SPRED1: variants seen among roughly 807,000 people sequenced by gnomAD.
SPRED1 encodes the protein sprouty-related, EVH1 domain-containing protein 1.
SPRED1 carries 18 observed loss-of-function variants against 52.3 expected under a neutral mutation model. That is an observed-to-expected ratio of 0.34 (90% CI 0.24 to 0.51). The LOEUF (loss-of-function observed/expected upper bound fraction) is 0.51, where lower values mean the gene tolerates loss of function less well. Ranked by LOEUF, SPRED1 falls within the 20% of genes least tolerant of loss-of-function variation. SPRED1 has a pLI of 0.97. For synonymous variants in SPRED1, 155 were observed against 179.7 expected (o/e 0.86, Z 1.10); for missense variants, 485 against 551.0 (o/e 0.88, Z 1.20).
At chr15:38,256,073 G>A (rs1008118512) in intron 1 of SPRED1, among the ~76,000 whole-genome samples, 15 of 152,136 alleles carry the variant, frequency 9.9e-5, no homozygotes, top group Admixed American at 7.2e-4. Flanking sequence ...ATTTAATCAA[G>A]AATTAGTGGG....
intron 1 of SPRED1, among the ~76,000 whole-genome samples, chr15:38,257,160 C>T (rs1894114737): frequency 2.0e-5 from 3 of 152,156 alleles, no homozygotes; most frequent in Admixed American, 1.3e-4. Context: ...TCTTTCAACA[C>T]TCTGTCCCTC....
At chr15:38,284,878 A>G (rs1401047185) in intron 1 of SPRED1, among the ~76,000 whole-genome samples, 1 of 147,800 alleles carries the variant, frequency 6.8e-6, no homozygotes, top group Non-Finnish European at 1.5e-5. Context: ...TTTTAAACCT[A>G]TTTGTGGGCC....
chr15:38,258,889 G>T (rs1894154293), intron 1 of SPRED1, among the ~76,000 whole-genome samples: 1 of 152,110 alleles, frequency 6.6e-6, no homozygotes, highest in Non-Finnish European at 1.5e-5. Flanking sequence ...CTTGAAATTG[G>T]GAGATGGATT....
At chr15:38,254,658 G>C (rs1894053539) in intron 1 of SPRED1, among the ~76,000 whole-genome samples, 1 of 152,194 alleles carries the variant, frequency 6.6e-6, no homozygotes, top group African/African-American at 2.4e-5. Context: ...AAAAACATAC[G>C]CACACACAAA....
chr15:38,351,800 A>G lies in SPRED1; in HGVS notation c.*136A>G. 8.9e-7 allele frequency: 1 copy of G among 1,117,400 alleles called. No individual in the cohort carries two copies. The highest frequency in any genetic ancestry group is 1.3e-6 in the Non-Finnish European group (1 of 774,554). The allele number at this position is 1,117,400 out of a possible 1,614,324, so 69.2% of individuals were successfully genotyped here. ...CCCACACATGGAGGAAGCAGAACTC[A>G]TCAGTTCTTGGCGTTTCACGCCATG... On this transcript the variant is annotated 3_prime_UTR_variant, in exon 7 of 7. Coordinates refer to ENST00000299084, the MANE Select transcript of SPRED1 (RefSeq NM_152594.3).
rs775693385 is a variant in SPRED1 at position 38,253,191 on chromosome 15, C to A, written c.6C>A (p.Ser2Arg). Residue 2 changes from serine to arginine, a missense_variant, in exon 1 of 7, where the codon AGC (serine) becomes AGA (arginine). Physicochemically the swap from Ser to Arg is moderately radical, Grantham distance 110. Around this residue, in one of 5 missense-constraint regions of SPRED1, gnomAD observed 34 missense variants for 25.8 expected, o/e 1.32. Coordinates refer to ENST00000299084, the MANE Select transcript of SPRED1 (RefSeq NM_152594.3). MSEETATSDNDN... is the reference protein window; with the variant it reads MREETATSDNDN... ...CGGATCACGGTGAGGGAAAGATGAGCGAGGAGACGGCGACTTCTGACAACG... is the reference window on the plus strand; with the variant it reads ...CGGATCACGGTGAGGGAAAGATGAGAGAGGAGACGGCGACTTCTGACAACG... 6 of 1,580,198 alleles carry A rather than the reference C, an allele frequency of 3.8e-6. No homozygotes were observed. The highest frequency in any genetic ancestry group is 1.3e-5 in the African/African-American group (1 of 74,140).
At chr15:38,273,519 TAATATA>T (rs1480569515) in intron 1 of SPRED1, among the ~76,000 whole-genome samples, 60 of 112,982 alleles carry the variant, frequency 5.3e-4, no homozygotes, top group African/African-American at 1.6e-3. Context: ...TATGTATTAT[TAATATA>T]TATATATATA....
chr15:38,344,571 G>A (rs1216878955), intron 5 of SPRED1, among the ~76,000 whole-genome samples: 1 of 152,140 alleles, frequency 6.6e-6, no homozygotes, highest in Admixed American at 6.6e-5. Context: ...TTATGACATG[G>A]CCTCTAGAGC....
At chr15:38,346,724 C>T (rs553138141) in intron 5 of SPRED1, among the ~76,000 whole-genome samples, 6 of 152,170 alleles carry the variant, frequency 3.9e-5, no homozygotes, top group South Asian at 2.1e-4. Context: ...CTTTCTTGTC[C>T]GCAGCTATTC....
At chr15:38,308,575 T>A (rs575454466) in intron 2 of SPRED1, among the ~76,000 whole-genome samples, 13 of 152,358 alleles carry the variant, frequency 8.5e-5, no homozygotes, top group African/African-American at 3.1e-4. Flanking sequence ...AAAAATGTTA[T>A]AAAAGTGTAA....
At chr15:38,272,286 T>TTTTTTTTTTTG in intron 1 of SPRED1, among the ~76,000 whole-genome samples, 1 of 150,680 alleles carries the variant, frequency 6.6e-6, no homozygotes. Flanking sequence ...GTTTTTTTTT[T>TTTTTTTTTTTG]GAGATGAAGT....
intron 4 of SPRED1, among the ~76,000 whole-genome samples, chr15:38,332,818 G>A (rs1895831431): frequency 6.6e-6 from 1 of 152,156 alleles, no homozygotes; most frequent in Non-Finnish European, 1.5e-5. Context: ...GCAAAATGCC[G>A]TGACTGGGTA....
intron 1 of SPRED1, among the ~76,000 whole-genome samples, chr15:38,260,710 G>A (rs980317864): frequency 1.3e-5 from 2 of 152,104 alleles, no homozygotes; most frequent in African/African-American, 2.4e-5. Context: ...AATTTCTTTT[G>A]TAATACTGTG....
At chr15:38,272,624 A>G (rs1020032307) in intron 1 of SPRED1, among the ~76,000 whole-genome samples, 4 of 152,198 alleles carry the variant, frequency 2.6e-5, no homozygotes, top group South Asian at 2.1e-4. Flanking sequence ...TGCTCTCCAC[A>G]GTGGCTGAAC....
intron 4 of SPRED1, among the ~76,000 whole-genome samples, chr15:38,336,404 G>GTGTGTGTGTA (rs1488462726): frequency 8.3e-5 from 5 of 59,978 alleles, no homozygotes; most frequent in South Asian, 7.1e-4. Flanking sequence ...GTGTGTGTGT[G>GTGTGTGTGTA]TGTATGTGTA....
rs116324840 is a variant in SPRED1, at chr15:38,279,922, A to G, written c.33-19451A>G. ...TTTGGATTAGGAGAGGGCTTTGATT[A>G]GCATCTTTTCTTCCTTAATTTTATA... On this transcript the variant is annotated intron_variant, in intron 1 of 6. Transcript: ENST00000299084. Among the ~76,000 whole-genome samples the G allele has an allele frequency of 8.4e-3, 1,273 of 152,260 alleles. 18 individuals are homozygous for G. Among genetic ancestry groups the G allele is most frequent in the African/African-American group, 0.029 (1,199 of 41,574 alleles).
At chr15:38,315,590 CTG>C (rs1312374846) in intron 2 of SPRED1, among the ~76,000 whole-genome samples, 1 of 127,552 alleles carries the variant, frequency 7.8e-6, no homozygotes, top group Non-Finnish European at 1.7e-5. Flanking sequence ...TTTTCCCCCT[CTG>C]TAAATTCTCA....
intron 2 of SPRED1, among the ~76,000 whole-genome samples, chr15:38,309,366 C>A (rs973168997): frequency 6.6e-6 from 1 of 152,196 alleles, no homozygotes; most frequent in East Asian, 1.9e-4. Context: ...GTCTTGAACT[C>A]CTGACCTTAA....
At chr15:38,321,399 C>G (rs936241391) in intron 2 of SPRED1, among the ~76,000 whole-genome samples, 1 of 152,082 alleles carries the variant, frequency 6.6e-6, no homozygotes, top group Non-Finnish European at 1.5e-5. Flanking sequence ...TCATTCCACT[C>G]TAAGCTCTGG....
Sources: allele counts gnomAD v4.1 joint callset (sites outside exome capture counted in the v4.1 genomes callset), GRCh38; gene constraint gnomAD v4.1.1; regional missense constraint gnomAD v4.1.1; transcripts MANE v1.5; gene names NCBI Gene and HGNC (gene_info 2026-07-23, HGNC 2026-07-21).